LARGE1: variants seen among roughly 807,000 people sequenced by gnomAD.
The protein encoded by LARGE1 is xylosyl- and glucuronyltransferase LARGE1.
Under a neutral mutation model 87.6 loss-of-function variants are expected in LARGE1, and 43 were observed. The observed-to-expected ratio is 0.49, with a 90% CI of 0.38 to 0.63. The LOEUF is 0.63. Among genes scored for constraint, LARGE1 ranks in the 30% least tolerant of loss-of-function variants. The probability of loss-of-function intolerance (pLI) is 0.00; values close to 1 mark genes in which losing one functional copy is unlikely to be tolerated. For missense variants in LARGE1, 802 were observed against 1,000.2 expected, an observed-to-expected ratio of 0.80 and a Z score of 2.67; for synonymous variants, 434 against 394.6, an observed-to-expected ratio of 1.10 and a Z score of -1.18.
intron 6 of LARGE1, among the ~76,000 whole-genome samples, chr22:33,545,907 A>G (rs2077349497): frequency 1.3e-5 from 2 of 152,160 alleles, no homozygotes; most frequent in Admixed American, 1.3e-4. Context: ...TAACCCTTTA[A>G]TAGCATTTGA....
chr22:33,783,483 T>C (rs1411049423), intron 1 of LARGE1, among the ~76,000 whole-genome samples: 1 of 152,108 alleles, frequency 6.6e-6, no homozygotes, highest in Non-Finnish European at 1.5e-5. Context: ...GAGAATCGCT[T>C]GAACCTGGGA....
In LARGE1 at chr22:33,304,386, T is replaced by A. The variant is rs1432918377; in HGVS notation, c.1573A>T (p.Ser525Cys). Residue 525 changes from serine to cysteine, a missense_variant, in exon 12 of 15, where the codon AGC becomes TGC. Around this residue, in one of 2 missense-constraint regions of LARGE1, gnomAD observed 625 missense variants for 841.9 expected, o/e 0.74. Coordinates refer to ENST00000397394, the MANE Select transcript of LARGE1 (RefSeq NM_133642.5). ...RYAQGSEVLMSRHNVGYHIVY... is the reference protein window; with the variant it reads ...RYAQGSEVLMCRHNVGYHIVY... ...ATGTGGTAGCCCACGTTGTGGCGGC[T>A]CATAAGCACCTCAGAGCCCTGTGCG... 1.2e-6 allele frequency: 2 copies of A among 1,614,142 alleles called. No homozygotes were observed. Among genetic ancestry groups the A allele is most frequent in the African/African-American group, 2.7e-5 (2 of 74,948 alleles).
At chr22:33,307,933 C>CA (rs2146210446) in intron 11 of LARGE1, among the ~76,000 whole-genome samples, 1 of 152,180 alleles carries the variant, frequency 6.6e-6, no homozygotes, top group East Asian at 1.9e-4. Flanking sequence ...GCTCTGTGGC[C>CA]AGGCTTTCTT....
At chr22:33,797,305 T>TTTCTC (rs1229208547) in intron 1 of LARGE1, among the ~76,000 whole-genome samples, 1 of 152,202 alleles carries the variant, frequency 6.6e-6, no homozygotes, top group African/African-American at 2.4e-5. Context: ...TAGCTCCACC[T>TTTCTC]TTCTCTGCCT....
intron 1 of LARGE1, among the ~76,000 whole-genome samples, chr22:33,849,272 A>G (rs1383246543): frequency 1.3e-5 from 2 of 152,168 alleles, no homozygotes; most frequent in Admixed American, 6.5e-5. Flanking sequence ...ACTTCGCAGA[A>G]CATCTCAACC....
At chr22:33,681,725 A>T in intron 2 of LARGE1, among the ~76,000 whole-genome samples, 1 of 152,256 alleles carries the variant, frequency 6.6e-6, no homozygotes, top group East Asian at 1.9e-4. Flanking sequence ...CTCAAATGCA[A>T]TAGTGGCTGG....
At chr22:33,686,560 A>AG (rs56156771) in intron 2 of LARGE1, among the ~76,000 whole-genome samples, 45,440 of 132,734 alleles carry the variant, frequency 0.34, 9,083 homozygotes, top group African/African-American at 0.41. Context: ...AAAAAAAAAA[A>AG]AAAAAACAAA....
intron 6 of LARGE1, among the ~76,000 whole-genome samples, chr22:33,528,327 C>CACCAGAGGGAAAAA (rs1697822422): frequency 1.3e-5 from 2 of 152,092 alleles, no homozygotes; most frequent in Admixed American, 1.3e-4. Flanking sequence ...ACAGACACTT[C>CACCAGAGGGAAAAA]ACCAGAGGGA....
At chr22:33,471,367 T>A (rs372902648) in intron 6 of LARGE1, among the ~76,000 whole-genome samples, 1 of 152,006 alleles carries the variant, frequency 6.6e-6, no homozygotes, top group South Asian at 2.1e-4. Context: ...AACAACAAGA[T>A]ATTGATTCTG....
At chr22:33,203,066 A>ACTCTCTCTCTCTCTCT (rs35446457) in intron 11 of LARGE1, among the ~76,000 whole-genome samples, 121 of 139,476 alleles carry the variant, frequency 8.7e-4, no homozygotes, top group Non-Finnish European at 1.5e-3. Flanking sequence ...TAGAATCTAA[A>ACTCTCTCTCTCTCTCT]CTCTCTCTCT....
intron 5 of LARGE1, among the ~76,000 whole-genome samples, chr22:33,570,445 C>T (rs1000306712): frequency 1.3e-5 from 2 of 151,876 alleles, no homozygotes; most frequent in African/African-American, 2.4e-5. Context: ...GTCAAGATAT[C>T]GAGACCACCC....
At chr22:33,214,876 G>A (rs1217148920) in intron 11 of LARGE1, among the ~76,000 whole-genome samples, 3 of 152,186 alleles carry the variant, frequency 2.0e-5, no homozygotes, top group Admixed American at 2.0e-4. Context: ...AGCTGGGACA[G>A]CTGAGGAGTG....
intron 2 of LARGE1, among the ~76,000 whole-genome samples, chr22:33,712,680 G>A (rs1045738578): frequency 7.4e-6 from 1 of 135,006 alleles, no homozygotes; most frequent in African/African-American, 2.8e-5. Context: ...GTGTGTGTGT[G>A]TGTGTCTGCA....
intron 10 of LARGE1, among the ~76,000 whole-genome samples, chr22:33,324,158 G>A (rs1937011291): frequency 6.9e-6 from 1 of 145,354 alleles, no homozygotes; most frequent in Non-Finnish European, 1.5e-5. Flanking sequence ...GAACCCAGGA[G>A]GTGGAGGTTG....
chr22:33,760,556 C>T (rs1024024230), intron 2 of LARGE1, among the ~76,000 whole-genome samples: 1 of 152,170 alleles, frequency 6.6e-6, no homozygotes, highest in African/African-American at 2.4e-5. Context: ...CTGTCTCCTC[C>T]GCTATCCTGT....
intron 1 of LARGE1, among the ~76,000 whole-genome samples, chr22:33,888,048 C>A (rs191179712): frequency 1.3e-5 from 2 of 152,250 alleles, no homozygotes; most frequent in African/African-American, 2.4e-5. Context: ...TCGTTCCTTC[C>A]CAATGTGGAC....
intron 11 of LARGE1, among the ~76,000 whole-genome samples, chr22:33,203,693 C>T (rs1218275186): frequency 1.3e-5 from 2 of 152,180 alleles, no homozygotes; most frequent in Non-Finnish European, 2.9e-5. Context: ...CCCAGCAACT[C>T]AAGCATTTGG....
At chr22:33,436,233 G>C (rs1260676557) in intron 6 of LARGE1, among the ~76,000 whole-genome samples, 1 of 152,130 alleles carries the variant, frequency 6.6e-6, no homozygotes, top group East Asian at 1.9e-4. Flanking sequence ...TCACATGCTG[G>C]AATGACTTCA....
At chr22:33,843,719 G>A (rs2146438622) in intron 1 of LARGE1, among the ~76,000 whole-genome samples, 1 of 152,144 alleles carries the variant, frequency 6.6e-6, no homozygotes, top group South Asian at 2.1e-4. Flanking sequence ...AGTAAAAGAA[G>A]TTTAAAGGCC....
Sources: allele counts gnomAD v4.1 joint callset (sites outside exome capture counted in the v4.1 genomes callset), GRCh38; gene constraint gnomAD v4.1.1; regional missense constraint gnomAD v4.1.1; transcripts MANE v1.5; gene names NCBI Gene and HGNC (gene_info 2026-07-23, HGNC 2026-07-21).